Variants in PPIA observed in about 807,000 individuals in gnomAD.
PPIA encodes peptidyl-prolyl cis-trans isomerase A.
PPIA carries 2 observed loss-of-function variants against 15.3 expected under a neutral mutation model. That is an observed-to-expected ratio of 0.13 (90% CI 0.05 to 0.41). The LOEUF (loss-of-function observed/expected upper bound fraction) is 0.41. Ranked by LOEUF, PPIA falls within the 10% of genes least tolerant of loss-of-function variation. PPIA has a pLI of 0.99. For synonymous variants in PPIA, 67 were observed against 73.1 expected, an observed-to-expected ratio of 0.92 and a Z score of 0.43; for missense variants, 103 against 210.3, an observed-to-expected ratio of 0.49 and a Z score of 3.16.
Position 44,799,919 on chromosome 7 carries a change from G to A in PPIA, c.362+45G>A, listed in dbSNP as rs752587500. 7 of 1,586,048 alleles carry A rather than the reference G, an allele frequency of 4.4e-6. No individual in the cohort carries two copies. The East Asian group carries it at 8.9e-5, about 20-fold the overall frequency. The stretch of plus-strand genomic sequence containing the variant: ...CACTAACCACCTGACTAAATGAAAA[G>A]TTGCCCTGGGGGGAACGGAACAAAC... On this transcript the variant is annotated intron_variant, in intron 4 of 4. Coordinates refer to ENST00000468812, the MANE Select transcript of PPIA (RefSeq NM_021130.5).
At chr7:44,799,093 C>CT in intron 1 of PPIA, 154 bp from the exon 2 acceptor site, 1 of 1,104,020 alleles carries the variant, frequency 9.1e-7, no homozygotes, top group East Asian at 2.6e-5. Flanking sequence ...CCTGCAGGGC[C>CT]TTATGGCTGT....
Position 44,797,000 on chromosome 7 carries a change from G to A in PPIA, c.69+207G>A, listed in dbSNP as rs534761929. Among the ~76,000 whole-genome samples, 276 of 152,250 alleles carry A rather than the reference G, an allele frequency of 1.8e-3. 3 individuals are homozygous for A. The highest frequency in any genetic ancestry group is 0.017 in the Admixed American group (262 of 15,294). The stretch of plus-strand genomic sequence containing the variant: ...GCCGGGACGGCGGCGGACAAAGGCA[G>A]GCGGGGCGGCTGCGAGGCCGTTGGG... On this transcript the variant is annotated intron_variant, in intron 1 of 4. Transcript: ENST00000468812.
At chr7:44,797,908 T>TCCTTGTTGCCTAC (rs1792429043) in intron 1 of PPIA, 1 of 152,204 alleles carries the variant, frequency 6.6e-6, no homozygotes, top group Non-Finnish European at 1.5e-5. Context: ...CAGAGCGATT[T>TCCTTGTTGCCTAC]CCTTGTTGCC....
rs113555362 is a variant in PPIA, at chr7:44,799,969, C to T, written c.362+95C>T. 1,915 of 1,324,364 alleles carry T rather than the reference C, an allele frequency of 1.4e-3. 4 individuals are homozygous for T. Among genetic ancestry groups the T allele is most frequent in the Middle Eastern group, 2.7e-3 (14 of 5,208 alleles). The allele number at this position is 1,324,364 out of a possible 1,614,324, so 82.0% of individuals were successfully genotyped here. ...CACTACTTTTCTTCAACCTTTGCTT[C>T]CACAGACTTTTTCATCCCTAAGATA... On this transcript the variant is annotated intron_variant, in intron 4 of 4. Coordinates refer to ENST00000468812, the MANE Select transcript of PPIA (RefSeq NM_021130.5).
chr7:44,799,252 T>A lies in PPIA; in HGVS notation c.75T>A (p.Phe25Leu), dbSNP rs753542445. 2 of 1,613,610 alleles carry A rather than the reference T, an allele frequency of 1.2e-6. No homozygotes were observed. The highest frequency in any genetic ancestry group is 1.7e-6 in the Non-Finnish European group (2 of 1,179,880). ...EPLGRVSFEL[F>L]ADKVPKTAEN... ...ACTGTAATTTTCTCTTACAGCTGTT[T>A]GCAGACAAGGTCCCAAAGACAGCAG... Residue 25 changes from phenylalanine (F) to leucine (L), a missense_variant, in exon 2 of 5, where the codon TTT (phenylalanine) becomes TTA (leucine). Transcript: ENST00000468812.
chr7:44,802,238 T>G lies in PPIA; in HGVS notation c.*816T>G, dbSNP rs1792591273. ...ATCTCAGCTCACTGCAGCCTCCGCC[T>G]CCTGGGTTCAAGTGATTCTAGTGCC... On this transcript the variant is annotated 3_prime_UTR_variant, in exon 5 of 5. Transcript: ENST00000468812. 6.8e-6 allele frequency: 1 copy of G among 146,620 alleles called. No individual in the cohort carries two copies. The highest frequency in any genetic ancestry group is 1.5e-5 in the Non-Finnish European group (1 of 67,592). 9.1% of individuals were successfully genotyped at this position (146,620 alleles called of 1,614,324 possible).
Position 44,803,088 on chromosome 7 carries a change from T to G in PPIA, c.*1666T>G, listed in dbSNP as rs1792613153. Reference sequence around the variant, plus strand: ...TTGTGGCTCAGACCTGAGTGCAAGGTGGAAATAAACATCAAACATCTTTTC... The same window carrying G: ...TTGTGGCTCAGACCTGAGTGCAAGGGGGAAATAAACATCAAACATCTTTTC... On this transcript the variant is annotated 3_prime_UTR_variant, in exon 5 of 5. Coordinates refer to ENST00000468812, the MANE Select transcript of PPIA (RefSeq NM_021130.5). The G allele has an allele frequency of 6.6e-6, 1 of 152,248 alleles. No individual in the cohort carries two copies. The highest frequency in any genetic ancestry group is 2.1e-4 in the South Asian group (1 of 4,836). 9.4% of individuals were successfully genotyped at this position (152,248 alleles called of 1,614,324 possible).
At chr7:44,800,845 T>A (rs969013322) in intron 4 of PPIA, among the ~76,000 whole-genome samples, 1 of 151,526 alleles carries the variant, frequency 6.6e-6, no homozygotes, top group Non-Finnish European at 1.5e-5. Context: ...TGAGATGGAG[T>A]TTCGCTCTGT....
At chr7:44,800,632 CA>C (rs1792523026) in intron 4 of PPIA, 1 of 150,880 alleles carries the variant, frequency 6.6e-6, no homozygotes, top group African/African-American at 2.5e-5. Context: ...CTCCTGGGCT[CA>C]AGTGATCTGC....
rs769045177 is a variant in PPIA at position 44,796,742 on chromosome 7, G to T, written c.18G>T (p.Val6=). The T allele has an allele frequency of 6.2e-7, 1 of 1,610,146 alleles. No homozygotes were observed. The highest frequency in any genetic ancestry group is 8.5e-7 in the Non-Finnish European group (1 of 1,178,774). Residue 6 remains valine, a synonymous_variant, in exon 1 of 5, where the codon GTG becomes GTT. Transcript: ENST00000468812. ...TATTAGCCATGGTCAACCCCACCGT[G>T]TTCTTCGACATTGCCGTCGACGGCG... The part of the protein sequence containing the change: MVNPT[V]FFDIAVDGEP...
intron 3 of PPIA, 56 bp from the exon 4 acceptor site, chr7:44,799,646 T>A: frequency 1.2e-6 from 2 of 1,608,044 alleles, no homozygotes; most frequent in South Asian, 2.2e-5. Context: ...CCTTGCAGAT[T>A]TGGCACACTT....
At chr7:44,797,731 A>G (rs1295579588) in intron 1 of PPIA, among the ~76,000 whole-genome samples, 1 of 152,246 alleles carries the variant, frequency 6.6e-6, no homozygotes, top group Non-Finnish European at 1.5e-5. Flanking sequence ...TTCAAAGTTA[A>G]ATATTGAGTA....
At chr7:44,798,767 A>G in intron 1 of PPIA, 3 of 988,692 alleles carry the variant, frequency 3.0e-6, no homozygotes, top group Non-Finnish European at 3.6e-6. Context: ...CTGGATACCA[A>G]GAAGTGACTG....
intron 4 of PPIA, 72 bp from the exon 5 acceptor site, chr7:44,801,210 TTCTCG>T: frequency 6.7e-7 from 1 of 1,488,106 alleles, no homozygotes; most frequent in Admixed American, 2.2e-5. Flanking sequence ...AAAGCTACCT[TTCTCG>T]TCTTGGTTCA....
At chr7:44,799,095 T>C (rs561576334) in intron 1 of PPIA, 152 bp from the exon 2 acceptor site, 6 of 1,113,906 alleles carry the variant, frequency 5.4e-6, no homozygotes, top group East Asian at 2.6e-5. Flanking sequence ...TGCAGGGCCT[T>C]ATGGCTGTCA....
intron 4 of PPIA, 34 bp downstream of exon 4, chr7:44,799,908 CTAAAT>C: frequency 6.3e-7 from 1 of 1,597,874 alleles, no homozygotes; most frequent in African/African-American, 1.3e-5. Flanking sequence ...AACCACCTGA[CTAAAT>C]GAAAAGTTGC....
chr7:44,798,025 C>T (rs1312764004), intron 1 of PPIA: 4 of 152,182 alleles, frequency 2.6e-5, no homozygotes, highest in Non-Finnish European at 4.4e-5. Flanking sequence ...CAAGGGCTTT[C>T]GTGGAAACTT....
Position 44,803,031 on chromosome 7 carries a change from C to G in PPIA, c.*1609C>G, listed in dbSNP as rs746881865. 5.9e-5 allele frequency: 9 copies of G among 152,140 alleles called. No individual in the cohort carries two copies. Among genetic ancestry groups the G allele is most frequent in the Admixed American group, 5.2e-4 (8 of 15,260 alleles). 9.4% of individuals were successfully genotyped at this position (152,140 alleles called of 1,614,324 possible). ...TTGTGTGTTGTCTGGTTACGTATTC[C>G]CTGGGTGATACCATTCAATGTCTTA... On this transcript the variant is annotated 3_prime_UTR_variant, in exon 5 of 5. Coordinates refer to ENST00000468812, the MANE Select transcript of PPIA (RefSeq NM_021130.5).
At chr7:44,798,059 A>T (rs1342032433) in intron 1 of PPIA, 2 of 152,196 alleles carry the variant, frequency 1.3e-5, no homozygotes, top group Non-Finnish European at 2.9e-5. Flanking sequence ...GTTGGGCATC[A>T]GGTTACCCAA....
Sources: gnomAD v4.1 joint callset for allele counts (sites outside exome capture counted in the v4.1 genomes callset) on GRCh38, gnomAD v4.1.1 for gene constraint, MANE v1.5 for transcripts, NCBI Gene and HGNC (gene_info 2026-07-23, HGNC 2026-07-21) for gene names.